The following NPAS2 variants were observed in gnomAD, a reference collection of about 807,000 sequenced individuals.
The protein encoded by NPAS2 is neuronal PAS domain protein 2.
A neutral mutation model predicts 107.5 loss-of-function variants in NPAS2; 23 were observed. The observed-to-expected ratio is 0.21, with a 90% CI of 0.15 to 0.30. The LOEUF is 0.30. Ranked by LOEUF, NPAS2 falls within the 10% of genes least tolerant of loss-of-function variation. The probability of loss-of-function intolerance (pLI) is 1.00; values close to 1 mark genes in which losing one functional copy is unlikely to be tolerated. For missense variants in NPAS2, 756 were observed against 1,043.3 expected (o/e 0.72, Z 3.79); for synonymous variants, 403 against 417.5 (o/e 0.97, Z 0.42).
intron 1 of NPAS2, among the ~76,000 whole-genome samples, chr2:100,837,428 C>T (rs1287214250): frequency 1.3e-5 from 2 of 152,192 alleles, no homozygotes; most frequent in Non-Finnish European, 2.9e-5. Flanking sequence ...CCTGGGATTA[C>T]AGGCATGCGC....
upstream of NPAS2, among the ~76,000 whole-genome samples, chr2:100,819,064 C>A (rs1408384146): frequency 2.0e-5 from 3 of 152,064 alleles, no homozygotes; most frequent in African/African-American, 7.2e-5. This position sits in a 1 kb window ranked among gnomAD's most constrained non-coding sequence, Gnocchi z 5.8. Context: ...TTTGCGGGAA[C>A]CTTGGTAAAA....
chr2:100,936,045 C>T (rs1022026044), intron 4 of NPAS2, among the ~76,000 whole-genome samples: 1 of 152,182 alleles, frequency 6.6e-6, no homozygotes, highest in African/African-American at 2.4e-5. Context: ...AGTTGAGAAC[C>T]ACTGATGTCA....
intron 5 of NPAS2, among the ~76,000 whole-genome samples, chr2:100,938,784 G>A (rs959386282): frequency 3.3e-5 from 5 of 151,972 alleles, no homozygotes; most frequent in African/African-American, 1.2e-4. Context: ...TCTGCACACA[G>A]CATCATTGTG....
At chr2:100,852,198 C>A (rs576829782) in intron 1 of NPAS2, among the ~76,000 whole-genome samples, 1 of 151,988 alleles carries the variant, frequency 6.6e-6, no homozygotes, top group Non-Finnish European at 1.5e-5. Context: ...AGATCAAGAC[C>A]ATCCTGGCTA....
In NPAS2 at chr2:100,951,077, G is replaced by A. The variant is rs939606104; in HGVS notation, c.598+1597G>A. On this transcript the variant is annotated intron_variant, in intron 7 of 20. Coordinates refer to ENST00000335681, the MANE Select transcript of NPAS2 (RefSeq NM_002518.4). Reference sequence around the variant, plus strand: ...CTTTGCCCTAAAGAGTCTAGCTCAGGAGATGGGAGGGTAGGACCCAGGAAT... The same window carrying A: ...CTTTGCCCTAAAGAGTCTAGCTCAGAAGATGGGAGGGTAGGACCCAGGAAT... Among the ~76,000 whole-genome samples the A allele has an allele frequency of 3.3e-5, 5 of 152,178 alleles. No individual in the cohort carries two copies. The South Asian group carries it at 1.0e-3, about 32-fold the overall frequency.
At chr2:100,895,800 G>A (rs2104723259) in intron 1 of NPAS2, among the ~76,000 whole-genome samples, 1 of 152,228 alleles carries the variant, frequency 6.6e-6, no homozygotes. Flanking sequence ...TGGAGCCCCT[G>A]CCTGCGGGTG....
chr2:100,834,807 G>A (rs766501687), intron 1 of NPAS2, among the ~76,000 whole-genome samples: 1 of 152,010 alleles, frequency 6.6e-6, no homozygotes, highest in East Asian at 1.9e-4. Flanking sequence ...CCATTCTCCT[G>A]CCTCAGCCTC....
At chr2:100,948,477 C>T (rs555605722) in intron 6 of NPAS2, 122 bp downstream of exon 6, 1 of 905,148 alleles carries the variant, frequency 1.1e-6, no homozygotes, top group Non-Finnish European at 1.6e-6. Flanking sequence ...TGACTCAGAA[C>T]ATTTCCAAGA....
At position 100,948,215 on chromosome 2, in the gene NPAS2, TC is replaced by T. The variant is rs778968410; in HGVS notation, c.364-18del. ...CATCTTCGTTGAGGGTGTACCTTTG[TC>T]CTTTATTTTCTTTTTCAGTCGGATG... On this transcript the variant is annotated intron_variant, in intron 5 of 20. Coordinates refer to ENST00000335681, the MANE Select transcript of NPAS2 (RefSeq NM_002518.4). 3.1e-6 allele frequency: 5 copies of T among 1,611,204 alleles called. No homozygotes were observed. In the Admixed American group the frequency reaches 8.4e-5, roughly 27 times the overall value.
intron 1 of NPAS2, among the ~76,000 whole-genome samples, chr2:100,889,961 G>A (rs6740935): frequency 0.38 from 57,414 of 151,544 alleles, 11,277 homozygotes; most frequent in South Asian, 0.5. Context: ...GGGCATGTTC[G>A]GGGGCGGGGA....
chr2:100,832,247 G>A (rs1306033680), intron 1 of NPAS2, among the ~76,000 whole-genome samples: 3 of 152,160 alleles, frequency 2.0e-5, no homozygotes, highest in African/African-American at 7.2e-5. Flanking sequence ...GCCCCTCAAA[G>A]AGAGTCTCAG....
intron 1 of NPAS2, among the ~76,000 whole-genome samples, chr2:100,883,953 G>A (rs1056257836): frequency 3.3e-5 from 5 of 152,086 alleles, no homozygotes; most frequent in Non-Finnish European, 7.4e-5. Flanking sequence ...CCTGGAGAGG[G>A]CCCTGAAGCA....
intron 1 of NPAS2, among the ~76,000 whole-genome samples, chr2:100,850,953 C>CAAAAAAAAAAAAAAA (rs148858541): frequency 2.4e-5 from 1 of 41,856 alleles, no homozygotes. Flanking sequence ...AACTCTGTCT[C>CAAAAAAAAAAAAAAA]AAAAAAAAAA....
intron 1 of NPAS2, among the ~76,000 whole-genome samples, chr2:100,853,837 G>A (rs973293087): frequency 2.6e-5 from 4 of 152,108 alleles, no homozygotes; most frequent in African/African-American, 7.2e-5. Context: ...AAACCAAGTG[G>A]TGACCTAGGG....
intron 2 of NPAS2, among the ~76,000 whole-genome samples, chr2:100,908,869 G>A (rs887103455): frequency 5.9e-5 from 9 of 152,270 alleles, no homozygotes; most frequent in Non-Finnish European, 1.2e-4. Flanking sequence ...GGTCAGATTC[G>A]CTGATTCTTG....
chr2:100,828,745 A>G (rs532539487), intron 1 of NPAS2, among the ~76,000 whole-genome samples: 1 of 151,952 alleles, frequency 6.6e-6, no homozygotes, highest in East Asian at 1.9e-4. Flanking sequence ...CTTCTATTCC[A>G]TTGGTATATG....
chr2:100,943,018 A>G (rs1234821763), intron 5 of NPAS2, among the ~76,000 whole-genome samples: 2 of 152,198 alleles, frequency 1.3e-5, no homozygotes, highest in African/African-American at 4.8e-5. Context: ...TTCCATGAAC[A>G]TCCTGTAGTG....
chr2:100,865,452 G>A (rs1679193554), intron 1 of NPAS2, among the ~76,000 whole-genome samples: 1 of 152,148 alleles, frequency 6.6e-6, no homozygotes, highest in Non-Finnish European at 1.5e-5. Flanking sequence ...TGCCTGCACT[G>A]TTGACCTTTC....
At chr2:100,985,102 C>T (rs1182372330) in intron 16 of NPAS2, 1 of 152,234 alleles carries the variant, frequency 6.6e-6, no homozygotes, top group Admixed American at 6.5e-5. Flanking sequence ...ATGACGTGTT[C>T]CTCAACTGGT....
Sources: gnomAD v4.1 joint callset for allele counts (sites outside exome capture counted in the v4.1 genomes callset) on GRCh38, gnomAD v4.1.1 for gene constraint, Gnocchi (gnomAD v3.1) non-coding constraint, MANE v1.5 for transcripts, NCBI Gene and HGNC (gene_info 2026-07-23, HGNC 2026-07-21) for gene names.